NUP133: variants seen among roughly 807,000 people sequenced by gnomAD.
The protein encoded by NUP133 is nuclear pore complex protein Nup133.
A neutral mutation model predicts 146.2 loss-of-function variants in NUP133; 66 were observed. That is an observed-to-expected ratio of 0.45 (90% CI 0.37 to 0.55). NUP133 has a LOEUF of 0.55. NUP133 is among the 20% of genes least tolerant of loss of function. The pLI is 0.00. For missense variants in NUP133, 1,277 were observed against 1,374.8 expected, an observed-to-expected ratio of 0.93 and a Z score of 1.12; for synonymous variants, 521 against 498.8, an observed-to-expected ratio of 1.04 and a Z score of -0.59.
intron 9 of NUP133, 57 bp from the exon 10 acceptor site, chr1:229,487,670 G>T: frequency 7.5e-7 from 1 of 1,330,608 alleles, no homozygotes; most frequent in Non-Finnish European, 1.0e-6. Context: ...ATATTTGTAT[G>T]ATTTTTTAAA....
chr1:229,471,203 C>A (rs1212875613), intron 14 of NUP133, among the ~76,000 whole-genome samples: 1 of 152,110 alleles, frequency 6.6e-6, no homozygotes, highest in Non-Finnish European at 1.5e-5. Flanking sequence ...GTCACCCTAA[C>A]CTTAAACCCT....
chr1:229,442,332 A>G (rs1247231316), intron 25 of NUP133, among the ~76,000 whole-genome samples: 1 of 152,244 alleles, frequency 6.6e-6, no homozygotes, highest in Non-Finnish European at 1.5e-5. Flanking sequence ...CCAAGCTTGA[A>G]AACAAGTATT....
At chr1:229,464,909 A>G (rs1229072860) in intron 17 of NUP133, 34 bp from the exon 18 acceptor site, 3 of 1,609,944 alleles carry the variant, frequency 1.9e-6, no homozygotes, top group Non-Finnish European at 2.5e-6. Context: ...TGGTTAAAGT[A>G]AGGGATCTAG....
chr1:229,449,875 T>A (rs529560), intron 23 of NUP133, among the ~76,000 whole-genome samples: 3,228 of 61,256 alleles, frequency 0.053, 7 homozygotes, highest in South Asian at 0.089. Flanking sequence ...ATATATATAT[T>A]TTTTTTTTTT....
chr1:229,447,832 C>T (rs959107156), intron 24 of NUP133, among the ~76,000 whole-genome samples: 4 of 152,104 alleles, frequency 2.6e-5, no homozygotes, highest in African/African-American at 2.4e-5. Context: ...CTTTCAGATG[C>T]GTTAGAATCA....
intron 17 of NUP133, 135 bp from the exon 18 acceptor site, chr1:229,465,010 G>T: frequency 1.0e-6 from 1 of 1,004,998 alleles, no homozygotes; most frequent in Non-Finnish European, 1.5e-6. Context: ...GGTGATACCT[G>T]TCAATGCCCT....
chr1:229,507,904 C>T, intron 1 of NUP133, 164 bp downstream of exon 1: 1 of 985,226 alleles, frequency 1.0e-6, no homozygotes, highest in Non-Finnish European at 1.2e-6. Flanking sequence ...ATAATCAAAA[C>T]GAAGCAGATA....
chr1:229,482,695 C>A (rs905811077), intron 12 of NUP133, among the ~76,000 whole-genome samples: 2 of 152,308 alleles, frequency 1.3e-5, no homozygotes, highest in African/African-American at 2.4e-5. Context: ...CCACCCCATA[C>A]GCGCATCTGC....
intron 20 of NUP133, among the ~76,000 whole-genome samples, chr1:229,459,817 G>A (rs895678433): frequency 1.3e-5 from 2 of 152,174 alleles, no homozygotes; most frequent in East Asian, 1.9e-4. Flanking sequence ...ATGCTGCAAT[G>A]AACATGGGAG....
chr1:229,462,728 A>T (rs866016393), intron 19 of NUP133, among the ~76,000 whole-genome samples: 13 of 151,906 alleles, frequency 8.6e-5, no homozygotes, highest in South Asian at 2.1e-4. Context: ...TTTTAAAAAA[A>T]TTTTTTTTGT....
intron 2 of NUP133, 44 bp from the exon 3 acceptor site, chr1:229,502,146 T>A: frequency 1.4e-6 from 2 of 1,392,942 alleles, no homozygotes; most frequent in East Asian, 4.6e-5. Context: ...ATAGTATAAA[T>A]CTTTATTACC....
At chr1:229,478,452 CT>C (rs1441270721) in intron 12 of NUP133, among the ~76,000 whole-genome samples, 1 of 151,684 alleles carries the variant, frequency 6.6e-6, no homozygotes, top group Admixed American at 6.6e-5. Flanking sequence ...CTGGGGAGAA[CT>C]GGGGGAGGGG....
At chr1:229,486,229 G>C in intron 11 of NUP133, 142 bp downstream of exon 11, 1 of 691,456 alleles carries the variant, frequency 1.4e-6, no homozygotes, top group Non-Finnish European at 2.2e-6. Context: ...GTCTGAGGCA[G>C]GAGGATTGCT....
chr1:229,477,206 G>A (rs1295981100), intron 13 of NUP133, among the ~76,000 whole-genome samples: 3 of 152,004 alleles, frequency 2.0e-5, no homozygotes, highest in Non-Finnish European at 4.4e-5. Flanking sequence ...TTGGGAGGCC[G>A]AGGTGGGTGG....
At chr1:229,472,405 G>A (rs1660978634) in intron 14 of NUP133, among the ~76,000 whole-genome samples, 1 of 150,738 alleles carries the variant, frequency 6.6e-6, no homozygotes, top group South Asian at 2.1e-4. Context: ...TTGCAGCACT[G>A]ACAGTGAAGC....
intron 6 of NUP133, among the ~76,000 whole-genome samples, chr1:229,497,910 C>T (rs1203640799): frequency 6.6e-6 from 1 of 152,140 alleles, no homozygotes; most frequent in Non-Finnish European, 1.5e-5. Flanking sequence ...AAAAAATGTA[C>T]TTGTGAGATA....
At chr1:229,476,928 CAA>C (rs745478707) in intron 13 of NUP133, among the ~76,000 whole-genome samples, 2 of 72,526 alleles carry the variant, frequency 2.8e-5, no homozygotes, top group South Asian at 4.4e-4. Flanking sequence ...ACCCTGTTTC[CAA>C]AAAAAAAAAA....
At chr1:229,478,918 A>G (rs1187287342) in intron 12 of NUP133, among the ~76,000 whole-genome samples, 1 of 152,258 alleles carries the variant, frequency 6.6e-6, no homozygotes, top group Admixed American at 6.5e-5. Context: ...TCCAGTTAGG[A>G]GGTTACTGCA....
rs183449809 is a variant in NUP133, at chr1:229,455,735, C to T, written c.2980+2426G>A. On this transcript the variant is annotated intron_variant, in intron 21 of 25. Transcript: ENST00000261396. ...ATTTTTTTTCAGCATATGAAGGTTG[C>T]AGACATCATGACATTTCATTTCTAA... Among the ~76,000 whole-genome samples, 222 of 152,194 alleles carry T rather than the reference C, an allele frequency of 1.5e-3. 2 individuals are homozygous for T. Among genetic ancestry groups the T allele is most frequent in the African/African-American group, 5.1e-3 (211 of 41,524 alleles).
Sources: gnomAD v4.1 joint callset for allele counts (sites outside exome capture counted in the v4.1 genomes callset) on GRCh38, gnomAD v4.1.1 for gene constraint, MANE v1.5 for transcripts, NCBI Gene and HGNC (gene_info 2026-07-23, HGNC 2026-07-21) for gene names.